The following CDC42BPB variants were observed in gnomAD, a reference collection of about 807,000 sequenced individuals.
CDC42BPB encodes CDC42 binding protein kinase beta.
A neutral mutation model predicts 214.9 loss-of-function variants in CDC42BPB; 37 were observed. The observed-to-expected ratio is 0.17, with a 90% CI of 0.13 to 0.23. CDC42BPB has a LOEUF of 0.23. Among genes scored for constraint, CDC42BPB ranks in the 10% least tolerant of loss-of-function variants. The pLI is 1.00. For missense variants in CDC42BPB, 1,694 were observed against 2,227.0 expected, an observed-to-expected ratio of 0.76 and a Z score of 4.82; for synonymous variants, 931 against 884.0, an observed-to-expected ratio of 1.05 and a Z score of -0.94.
intron 23 of CDC42BPB, 46 bp from the exon 24 acceptor site, chr14:102,952,649 G>C: frequency 6.3e-7 from 1 of 1,586,010 alleles, no homozygotes; most frequent in South Asian, 1.1e-5. Context: ...ATGGACTCTT[G>C]AGAGTCAGAT....
chr14:102,933,956 C>T (rs1891514288), intron 36 of CDC42BPB, 113 bp from the exon 37 acceptor site: 1 of 1,422,332 alleles, frequency 7.0e-7, no homozygotes. Flanking sequence ...CTGCTCTTCT[C>T]CCTTCATGTT....
chr14:103,029,858 C>CAAAAAAAAAAAAAAAAAAAAAAA (rs11299296), intron 1 of CDC42BPB, among the ~76,000 whole-genome samples: 1 of 62,358 alleles, frequency 1.6e-5, no homozygotes, highest in African/African-American at 6.1e-5. Flanking sequence ...ACTCCATCTC[C>CAAAAAAAAAAAAAAAAAAAAAAA]AAAAAAAAAA....
intron 1 of CDC42BPB, among the ~76,000 whole-genome samples, chr14:103,020,948 AG>A (rs1886737933): frequency 6.6e-6 from 1 of 152,272 alleles, no homozygotes; most frequent in African/African-American, 2.4e-5. Flanking sequence ...GCAAGGAGCC[AG>A]CCACAGACCC....
chr14:102,958,479 G>A (rs1378974925), intron 21 of CDC42BPB, among the ~76,000 whole-genome samples: 1 of 152,126 alleles, frequency 6.6e-6, no homozygotes, highest in Non-Finnish European at 1.5e-5. Flanking sequence ...CACCCCATCA[G>A]GAGTTCCATT....
rs564734363 is a variant in CDC42BPB at position 102,974,818 on chromosome 14, A to G, written c.1508-669T>C. ...TTTGTAAAAATACAAAAAATTAGCC[A>G]GGCGTGGTGGGGGGCTACTTGGGAG... On this transcript the variant is annotated intron_variant, in intron 11 of 36. Transcript: ENST00000361246. Among the ~76,000 whole-genome samples the G allele has an allele frequency of 8.3e-4, 127 of 152,272 alleles. 1 individual carries two copies. Among genetic ancestry groups the G allele is most frequent in the African/African-American group, 3.0e-3 (125 of 41,546 alleles).
At chr14:102,942,945 T>G (rs553703254) in intron 30 of CDC42BPB, among the ~76,000 whole-genome samples, 1 of 152,236 alleles carries the variant, frequency 6.6e-6, no homozygotes, top group Non-Finnish European at 1.5e-5. Flanking sequence ...CTCAGCTCAC[T>G]GCAACCTCTG....
Position 102,972,089 on chromosome 14 carries a change from G to C in CDC42BPB, c.1714C>G (p.Leu572Val), listed in dbSNP as rs1374958981. ...AGCTCCGAGAACTCCTGCAGGGCCA[G>C]CTTTCGCTGCTGATGGGCATCTTTG... ...ELKDAHQQRK[L>V]ALQEFSELNE... Residue 572 changes from leucine to valine, a missense_variant, in exon 13 of 37, where the codon CTG (leucine) becomes GTG (valine). Physicochemically the swap from Leu to Val is conservative, Grantham distance 32. Around this residue, in one of 7 missense-constraint regions of CDC42BPB, gnomAD observed 462 missense variants for 513.5 expected, o/e 0.90. Transcript: ENST00000361246. The C allele has an allele frequency of 8.7e-6, 14 of 1,614,276 alleles. No individual in the cohort carries two copies. Among genetic ancestry groups the C allele is most frequent in the Non-Finnish European group, 1.2e-5 (14 of 1,180,050 alleles).
At chr14:103,034,402 C>G (rs959206700) in intron 1 of CDC42BPB, among the ~76,000 whole-genome samples, 1 of 152,118 alleles carries the variant, frequency 6.6e-6, no homozygotes, top group African/African-American at 2.4e-5. Flanking sequence ...ATTTAAAGTT[C>G]ATTTTACTGA....
At chr14:103,019,983 A>G (rs1277232825) in intron 1 of CDC42BPB, among the ~76,000 whole-genome samples, 1 of 152,248 alleles carries the variant, frequency 6.6e-6, no homozygotes, top group African/African-American at 2.4e-5. Context: ...AAATCAAACA[A>G]GATGAGACCA....
intron 12 of CDC42BPB, among the ~76,000 whole-genome samples, chr14:102,973,426 C>T (rs1566871384): frequency 6.6e-6 from 1 of 152,184 alleles, no homozygotes; most frequent in South Asian, 2.1e-4. Context: ...ATAAAAGTTT[C>T]CCATATATTA....
intron 18 of CDC42BPB, among the ~76,000 whole-genome samples, chr14:102,965,914 G>A (rs1466577832): frequency 4.6e-5 from 7 of 152,186 alleles, no homozygotes; most frequent in East Asian, 3.8e-4. Context: ...CCGAGATCAC[G>A]CCACTGCACT....
chr14:103,053,078 G>A (rs775960483), intron 1 of CDC42BPB, among the ~76,000 whole-genome samples: 1 of 152,000 alleles, frequency 6.6e-6, no homozygotes, highest in African/African-American at 2.4e-5. Context: ...GGCCAGGCGT[G>A]GTGGCTCACG....
chr14:103,056,130 T>C (rs1392066212), intron 1 of CDC42BPB, among the ~76,000 whole-genome samples: 2 of 152,298 alleles, frequency 1.3e-5, no homozygotes, highest in South Asian at 2.1e-4. Flanking sequence ...AAAAGCATAA[T>C]AGGTTAGCTG....
rs565265893 is a variant in CDC42BPB, at chr14:102,994,331, G to A, written c.596+5234C>T. On this transcript the variant is annotated intron_variant, in intron 5 of 36. Coordinates refer to ENST00000361246, the MANE Select transcript of CDC42BPB (RefSeq NM_006035.4). ...TTTGCACGCACTGGGGGTCATCTGCGCCGTATAATTCTGTATTTAAAACAT... is the reference window on the plus strand; with the variant it reads ...TTTGCACGCACTGGGGGTCATCTGCACCGTATAATTCTGTATTTAAAACAT... Among the ~76,000 whole-genome samples, 7 of 152,160 alleles carry A rather than the reference G, an allele frequency of 4.6e-5. No individual in the cohort carries two copies. The South Asian group carries it at 1.0e-3, about 23-fold the overall frequency.
intron 19 of CDC42BPB, among the ~76,000 whole-genome samples, chr14:102,964,050 C>G (rs955380321): frequency 6.6e-6 from 1 of 152,176 alleles, no homozygotes; most frequent in South Asian, 2.1e-4. Context: ...CTCGTTACTG[C>G]TTGGAGTTAG....
At chr14:102,952,884 A>C (rs534269176) in intron 23 of CDC42BPB, 1 of 247,122 alleles carries the variant, frequency 4.0e-6, no homozygotes, top group East Asian at 1.8e-4. Flanking sequence ...CCGAGGTGGC[A>C]TGGCCAGTGC....
At position 102,946,680 on chromosome 14, in the gene CDC42BPB, G is replaced by A. The variant is rs369632217; in HGVS notation, c.3536C>T (p.Thr1179Met). The change falls in exon 28 of 37, where the codon ACG (threonine) becomes ATG (methionine). Residue 1179 changes from threonine to methionine, a missense_variant. Coordinates refer to ENST00000361246, the MANE Select transcript of CDC42BPB (RefSeq NM_006035.4). ...RRDIPCIFRV[T>M]ASLLGAPSKT... The stretch of plus-strand genomic sequence containing the variant: ...AGAAGGTGCACCTAAGAGAGAGGCC[G>A]TCACCTTCATGACAGGAAACAGAAG... 20 of 1,612,500 alleles carry A rather than the reference G, an allele frequency of 1.2e-5. No homozygotes were observed. The highest frequency in any genetic ancestry group is 4.4e-5 in the South Asian group (4 of 91,084).
intron 5 of CDC42BPB, among the ~76,000 whole-genome samples, chr14:102,998,113 C>T (rs557996855): frequency 5.3e-5 from 8 of 152,128 alleles, no homozygotes; most frequent in Admixed American, 4.6e-4. Flanking sequence ...GGTGGCAGAG[C>T]GAGACTCCAT....
chr14:103,035,144 G>A (rs1012187474), intron 1 of CDC42BPB, among the ~76,000 whole-genome samples: 6 of 151,208 alleles, frequency 4.0e-5, no homozygotes, highest in African/African-American at 1.2e-4. Flanking sequence ...CACAACTTCC[G>A]CCACCCAGGT....
Sources: allele counts gnomAD v4.1 joint callset (sites outside exome capture counted in the v4.1 genomes callset), GRCh38; gene constraint gnomAD v4.1.1; regional missense constraint gnomAD v4.1.1; transcripts MANE v1.5; gene names NCBI Gene and HGNC (gene_info 2026-07-23, HGNC 2026-07-21).